ERI1: variants seen among roughly 807,000 people sequenced by gnomAD.
The protein encoded by ERI1 is 3'-5' exoribonuclease 1.
In ERI1, 39 loss-of-function variants were observed where a neutral mutation model predicts 39.7. The ratio of observed to expected loss-of-function variants is 0.98; its 90% confidence interval spans 0.76 to 1.28. The LOEUF (loss-of-function observed/expected upper bound fraction) is 1.28. ERI1 is among the 50% of genes most tolerant of loss of function. The pLI, the probability that ERI1 is intolerant of heterozygous loss-of-function variation, is 0.00. For missense variants in ERI1, 581 were observed against 416.9 expected, an observed-to-expected ratio of 1.39 and a Z score of -3.43; for synonymous variants, 204 against 149.6, an observed-to-expected ratio of 1.36 and a Z score of -2.65.
intron 3 of ERI1, among the ~76,000 whole-genome samples, chr8:9,063,000 A>G (rs965855953): frequency 1.3e-5 from 2 of 152,148 alleles, no homozygotes; most frequent in Non-Finnish European, 1.5e-5. Context: ...TTTGTCTCAC[A>G]GTGGAGGCAA....
chr8:9,003,281 T>G, intron 1 of ERI1, 110 bp downstream of exon 1: 1 of 615,832 alleles, frequency 1.6e-6, no homozygotes, highest in Non-Finnish European at 2.3e-6. Flanking sequence ...CTGTGCGCCC[T>G]TGGACCCCAG....
rs377422050 is a variant in ERI1 at position 9,008,691 on chromosome 8, A to G, written c.287+543A>G. Among the ~76,000 whole-genome samples, 394 of 152,346 alleles carry G rather than the reference A, an allele frequency of 2.6e-3. 2 individuals carry two copies. Among genetic ancestry groups the G allele is most frequent in the African/African-American group, 9.0e-3 (376 of 41,584 alleles). On this transcript the variant is annotated intron_variant, in intron 2 of 6. Coordinates refer to ENST00000250263, the MANE Select transcript of ERI1 (RefSeq NM_153332.4). ...GTATGTGTATTTTAATGAGATATAC[A>G]CATACCTAAGTTTTTAGTAATTTTT...
chr8:9,030,808 C>A lies in ERI1; in HGVS notation c.*774C>A, dbSNP rs921473081. 3.3e-5 allele frequency: 5 copies of A among 152,050 alleles called. No individual in the cohort carries two copies. Among genetic ancestry groups the A allele is most frequent in the African/African-American group, 1.2e-4 (5 of 41,378 alleles). 9.4% of individuals were successfully genotyped at this position (152,050 alleles called of 1,614,324 possible). A position where few individuals can be genotyped will look rare whatever the true frequency, so the allele number is the denominator to read the frequency against. The stretch of plus-strand genomic sequence containing the variant: ...GCCTTAATTCTTAAATCTGAGGGAC[C>A]ATGCTTTGAAATAGACTGAAAATTA... On this transcript the variant is annotated 3_prime_UTR_variant, in exon 7 of 7. Transcript: ENST00000250263.
intron 3 of ERI1, among the ~76,000 whole-genome samples, chr8:9,053,436 G>GC (rs1798417564): frequency 6.6e-6 from 1 of 152,198 alleles, no homozygotes; most frequent in Non-Finnish European, 1.5e-5. Flanking sequence ...AGGATGGCAT[G>GC]CCCAGAGAGG....
chr8:9,054,952 A>G (rs1337567566), intron 3 of ERI1, among the ~76,000 whole-genome samples: 1 of 152,192 alleles, frequency 6.6e-6, no homozygotes, highest in Non-Finnish European at 1.5e-5. Flanking sequence ...AATAAATAAA[A>G]TCAACACATA....
intron 3 of ERI1, among the ~76,000 whole-genome samples, chr8:9,040,153 C>T (rs533483892): frequency 1.3e-5 from 2 of 152,242 alleles, no homozygotes; most frequent in South Asian, 2.1e-4. Flanking sequence ...CTGCTTTTTG[C>T]TGTTGGGGCC....
intron 4 of ERI1, among the ~76,000 whole-genome samples, chr8:9,016,927 C>T (rs184817151): frequency 2.8e-4 from 43 of 152,324 alleles, no homozygotes; most frequent in African/African-American, 9.4e-4. Context: ...CCTCAAGTGT[C>T]CCGCCTCGGC....
At chr8:9,048,235 T>G (rs1210900476) in intron 3 of ERI1, among the ~76,000 whole-genome samples, 1 of 152,154 alleles carries the variant, frequency 6.6e-6, no homozygotes, top group African/African-American at 2.4e-5. Context: ...GAGGCACTGA[T>G]TTGCTTCATC....
At chr8:9,010,735 A>AT (rs1816579698) in intron 2 of ERI1, among the ~76,000 whole-genome samples, 1 of 152,148 alleles carries the variant, frequency 6.6e-6, no homozygotes, top group African/African-American at 2.4e-5. Context: ...TTGCAACTTA[A>AT]TTTTTTGGAA....
chr8:9,052,479 A>G (rs1003858908), intron 3 of ERI1, among the ~76,000 whole-genome samples: 3 of 152,184 alleles, frequency 2.0e-5, no homozygotes, highest in African/African-American at 7.2e-5. Context: ...GATTCTGGCA[A>G]GGTACCGTCA....
chr8:9,027,342 G>T (rs1214438937), intron 6 of ERI1, among the ~76,000 whole-genome samples: 1 of 151,952 alleles, frequency 6.6e-6, no homozygotes, highest in Non-Finnish European at 1.5e-5. Context: ...TACTAAATGA[G>T]GTATCATGAT....
At chr8:9,042,103 C>T (rs990560684) in intron 3 of ERI1, among the ~76,000 whole-genome samples, 4 of 152,152 alleles carry the variant, frequency 2.6e-5, no homozygotes, top group Middle Eastern at 3.2e-3. Flanking sequence ...AAACCAAACC[C>T]ACCTGGGGGA....
intron 3 of ERI1, among the ~76,000 whole-genome samples, chr8:9,041,842 C>G (rs1336437104): frequency 6.6e-6 from 1 of 152,196 alleles, no homozygotes; most frequent in African/African-American, 2.4e-5. Flanking sequence ...TCAGGCGATT[C>G]TCTTGCCTCA....
chr8:9,023,449 A>G (rs2117265662), intron 6 of ERI1, among the ~76,000 whole-genome samples: 1 of 152,296 alleles, frequency 6.6e-6, no homozygotes, highest in Non-Finnish European at 1.5e-5. Context: ...TTATGCATAA[A>G]TCTACAGCTC....
intron 3 of ERI1, among the ~76,000 whole-genome samples, chr8:9,041,309 T>C (rs1798009102): frequency 6.6e-6 from 1 of 152,120 alleles, no homozygotes; most frequent in Non-Finnish European, 1.5e-5. Context: ...CCTTGTATTC[T>C]CCCAAGAGAG....
At chr8:9,086,723 A>C (rs1563097267) in intron 3 of ERI1, among the ~76,000 whole-genome samples, 1 of 152,206 alleles carries the variant, frequency 6.6e-6, no homozygotes, top group Non-Finnish European at 1.5e-5. Context: ...ACCTAATCAA[A>C]GTGGTTAACT....
At chr8:9,045,335 G>T (rs1798142632) in intron 3 of ERI1, among the ~76,000 whole-genome samples, 1 of 151,940 alleles carries the variant, frequency 6.6e-6, no homozygotes, top group Admixed American at 6.6e-5. Flanking sequence ...GCTCTGTAGG[G>T]TAGGGACTTC....
At chr8:9,015,738 A>AG (rs1817185382) in intron 3 of ERI1, among the ~76,000 whole-genome samples, 2 of 151,130 alleles carry the variant, frequency 1.3e-5, no homozygotes, top group African/African-American at 4.9e-5. Flanking sequence ...AAAAAAAAAA[A>AG]AAAGAGACCA....
rs375717269 is a variant in ERI1, at chr8:9,018,310, G to C, written c.596G>C (p.Arg199Thr). ...LTGITQDQVD[R>T]ADTFPQVLKK... is the part of the protein sequence containing the mutation. ...TTATATCCTCAGGATCAGGTAGACA[G>C]AGCTGATACCTTCCCTCAGGTACTA... Residue 199 changes from arginine (R) to threonine (T), a missense_variant, in exon 5 of 7, where the codon AGA (arginine) becomes ACA (threonine). Arg to Thr is a moderately conservative substitution (Grantham distance 71). Coordinates refer to ENST00000250263, the MANE Select transcript of ERI1 (RefSeq NM_153332.4). The C allele has an allele frequency of 5.0e-6, 8 of 1,609,258 alleles. No homozygotes were observed. The Admixed American group carries it at 6.7e-5, about 13-fold the overall frequency.
Sources: gnomAD v4.1 joint callset for allele counts (sites outside exome capture counted in the v4.1 genomes callset) on GRCh38, gnomAD v4.1.1 for gene constraint, MANE v1.5 for transcripts, NCBI Gene and HGNC (gene_info 2026-07-23, HGNC 2026-07-21) for gene names.